Variants in EPM2A observed in about 807,000 individuals in gnomAD.
EPM2A encodes laforin.
Under a neutral mutation model 26.5 loss-of-function variants are expected in EPM2A, and 21 were observed. The observed-to-expected ratio is 0.79, with a 90% CI of 0.56 to 1.14. The LOEUF is 1.14. Among genes scored for constraint, EPM2A ranks in the 50% most tolerant of loss-of-function variants. The pLI is 0.00. For missense variants in EPM2A, 458 were observed against 440.8 expected (o/e 1.04, Z -0.35); for synonymous variants, 217 against 177.6 (o/e 1.22, Z -1.76).
chr6:145,422,365 A>C (rs1778800816), intron 4 of EPM2A, among the ~76,000 whole-genome samples: 1 of 149,326 alleles, frequency 6.7e-6, no homozygotes, highest in Non-Finnish European at 1.5e-5. Flanking sequence ...TGAAAGTCCC[A>C]GTTTTGTACT....
chr6:145,395,908 C>A (rs906228721), intron 4 of EPM2A, among the ~76,000 whole-genome samples: 2 of 152,160 alleles, frequency 1.3e-5, no homozygotes, highest in Non-Finnish European at 2.9e-5. Context: ...CGGCCAGGTG[C>A]CTAATCTGCC....
At chr6:145,482,031 A>G (rs1182842826) in intron 4 of EPM2A, among the ~76,000 whole-genome samples, 5 of 152,218 alleles carry the variant, frequency 3.3e-5, no homozygotes, top group African/African-American at 7.2e-5. Context: ...AAAAGGCATC[A>G]TAAGAAACTG....
chr6:145,556,742 G>A (rs1171113355), intron 2 of EPM2A, among the ~76,000 whole-genome samples: 1 of 152,070 alleles, frequency 6.6e-6, no homozygotes, highest in African/African-American at 2.4e-5. Flanking sequence ...CCTGTTTGCT[G>A]AGAAAAGCTG....
chr6:145,735,860 C>T (rs1776850677), upstream of EPM2A: 1 of 153,588 alleles, frequency 6.5e-6, no homozygotes, highest in Non-Finnish European at 1.4e-5. Flanking sequence ...GTTCTCTCTC[C>T]AAGAGACTGG....
chr6:145,686,058 T>G, intron 2 of EPM2A, 64 bp downstream of exon 2: 2 of 1,460,766 alleles, frequency 1.4e-6, no homozygotes. Flanking sequence ...CAGTAAATAT[T>G]TCCATTGTGC....
chr6:145,569,953 C>G (rs975720771), intron 2 of EPM2A, among the ~76,000 whole-genome samples: 3 of 152,130 alleles, frequency 2.0e-5, no homozygotes, highest in African/African-American at 7.2e-5. Flanking sequence ...GAGAGCCAGT[C>G]TGAATTCCAA....
chr6:145,430,370 C>T (rs1460951850), intron 4 of EPM2A, among the ~76,000 whole-genome samples: 3 of 152,114 alleles, frequency 2.0e-5, no homozygotes, highest in South Asian at 4.1e-4. Context: ...GAGGCCAAGG[C>T]GGCCGGATCA....
intron 3 of EPM2A, chr6:145,628,788 G>A (rs1776024941): frequency 6.6e-6 from 1 of 152,234 alleles, no homozygotes; most frequent in Non-Finnish European, 1.5e-5. Flanking sequence ...TTTCACCTGG[G>A]GATCTGCCGT....
chr6:145,608,382 A>G (rs1269230889), intron 2 of EPM2A, among the ~76,000 whole-genome samples: 1 of 152,238 alleles, frequency 6.6e-6, no homozygotes, highest in Admixed American at 6.5e-5. Context: ...AGAAAACAGT[A>G]TCAGAATTAA....
rs1355953870 is a variant in EPM2A, at chr6:145,551,644, T to C, written c.341-49069A>G. Reference sequence around the variant, plus strand: ...AATTACATTTAAAATGTTTTTGAGTTGGTTGTGTCACTCAGAAGAGACTGG... The same window carrying C: ...AATTACATTTAAAATGTTTTTGAGTCGGTTGTGTCACTCAGAAGAGACTGG... On this transcript the variant is annotated intron_variant, in intron 2 of 3. Transcript: ENST00000450221. 9.2e-5 allele frequency among the ~76,000 whole-genome samples: 14 copies of C among 152,124 alleles called. 1 individual carries two copies. The South Asian group carries it at 2.9e-3, about 32-fold the overall frequency.
intron 2 of EPM2A, among the ~76,000 whole-genome samples, chr6:145,612,248 A>C (rs574520339): frequency 3.2e-4 from 49 of 152,340 alleles, no homozygotes; most frequent in African/African-American, 1.2e-3. Flanking sequence ...TAAAGAAATT[A>C]GATTTTGCAT....
At chr6:145,502,514 T>C (rs1228077673) in intron 3 of EPM2A, 3 of 469,964 alleles carry the variant, frequency 6.4e-6, no homozygotes, top group Admixed American at 2.3e-5. Flanking sequence ...AGGTGCATAC[T>C]CACTCACCTG....
intron 4 of EPM2A, among the ~76,000 whole-genome samples, chr6:145,488,320 G>T (rs1410143996): frequency 6.6e-6 from 1 of 152,150 alleles, no homozygotes; most frequent in East Asian, 1.9e-4. Context: ...GGTTCCACAT[G>T]AATTTTAAAA....
At chr6:145,461,470 C>T (rs976199410) in intron 4 of EPM2A, among the ~76,000 whole-genome samples, 5 of 152,118 alleles carry the variant, frequency 3.3e-5, no homozygotes, top group African/African-American at 1.2e-4. Flanking sequence ...AGAGACACAA[C>T]CTGTTCTTTT....
At chr6:145,474,219 TG>T (rs1779513536) in intron 4 of EPM2A, among the ~76,000 whole-genome samples, 1 of 152,240 alleles carries the variant, frequency 6.6e-6, no homozygotes, top group South Asian at 2.1e-4. Context: ...CCCAGCACTT[TG>T]GGAAGCCAAG....
chr6:145,605,526 G>A (rs1374394951), intron 2 of EPM2A, among the ~76,000 whole-genome samples: 2 of 152,010 alleles, frequency 1.3e-5, no homozygotes, highest in African/African-American at 2.4e-5. Flanking sequence ...ACATTCAATC[G>A]CAGGAAAATG....
intron 2 of EPM2A, among the ~76,000 whole-genome samples, chr6:145,556,880 A>G (rs1042733700): frequency 1.3e-5 from 2 of 152,132 alleles, no homozygotes; most frequent in Non-Finnish European, 2.9e-5. Context: ...ATTTATTTGT[A>G]GCAATTATTT....
intron 2 of EPM2A, among the ~76,000 whole-genome samples, chr6:145,680,362 C>CATTT (rs201867944): frequency 1.1e-4 from 16 of 143,690 alleles, no homozygotes; most frequent in South Asian, 1.1e-3. Context: ...GCGTAAGTTT[C>CATTT]ATTTATTTAT....
chr6:145,431,328 C>A (rs1464068883), intron 4 of EPM2A, among the ~76,000 whole-genome samples: 1 of 152,008 alleles, frequency 6.6e-6, no homozygotes, highest in Non-Finnish European at 1.5e-5. Flanking sequence ...TGAATACCAA[C>A]AAAAGATCCA....
Sources: gnomAD v4.1 joint callset for allele counts (sites outside exome capture counted in the v4.1 genomes callset) on GRCh38, gnomAD v4.1.1 for gene constraint, MANE v1.5 for transcripts, NCBI Gene and HGNC (gene_info 2026-07-23, HGNC 2026-07-21) for gene names.